The following LRBA variants were observed in gnomAD, a reference collection of about 807,000 sequenced individuals.
LRBA encodes lipopolysaccharide-responsive and beige-like anchor protein.
LRBA carries 176 observed loss-of-function variants against 330.0 expected under a neutral mutation model. That is an observed-to-expected ratio of 0.53 (90% CI 0.47 to 0.60). The LOEUF is 0.60. LRBA is among the 20% of genes least tolerant of loss of function. The pLI is 0.00. For missense variants in LRBA, 3,259 were observed against 3,444.8 expected (o/e 0.95, Z 1.35); for synonymous variants, 1,230 against 1,193.0 (o/e 1.03, Z -0.64).
chr4:150,472,116 G>A, intron 42 of LRBA, among the ~76,000 whole-genome samples: 1 of 152,124 alleles, frequency 6.6e-6, no homozygotes, highest in South Asian at 2.1e-4. Context: ...AATTGTAATA[G>A]TTATCTTAAA....
intron 17 of LRBA, among the ~76,000 whole-genome samples, chr4:150,887,328 G>GA (rs952076176): frequency 2.1e-4 from 32 of 151,456 alleles, no homozygotes; most frequent in East Asian, 3.9e-4. Flanking sequence ...ACTACAATCT[G>GA]AAAAAAAACA....
chr4:150,646,974 T>G (rs1312571218), intron 37 of LRBA, among the ~76,000 whole-genome samples: 1 of 152,110 alleles, frequency 6.6e-6, no homozygotes, highest in Non-Finnish European at 1.5e-5. Context: ...AGTGTGTATG[T>G]GTTTATATAA....
chr4:150,504,452 G>C (rs1050115207), intron 40 of LRBA, among the ~76,000 whole-genome samples: 1 of 152,286 alleles, frequency 6.6e-6, no homozygotes, highest in Middle Eastern at 3.4e-3. Context: ...CATTCTTAAA[G>C]AAAAGAATTT....
intron 2 of LRBA, among the ~76,000 whole-genome samples, chr4:150,964,759 C>T (rs1738694749): frequency 6.6e-6 from 1 of 152,094 alleles, no homozygotes; most frequent in African/African-American, 2.4e-5. Flanking sequence ...ACCTTCCCTC[C>T]ACTATTGTCC....
chr4:150,294,650 T>C (rs1728729972), intron 53 of LRBA, among the ~76,000 whole-genome samples: 1 of 152,144 alleles, frequency 6.6e-6, no homozygotes, highest in East Asian at 1.9e-4. Flanking sequence ...ATTAGTATCA[T>C]ATAAGTAGTA....
Position 150,436,869 on chromosome 4 carries a change from C to G in LRBA, c.6781-5G>C. 6.2e-7 allele frequency: 1 copy of G among 1,612,846 alleles called. No individual in the cohort carries two copies. Among genetic ancestry groups the G allele is most frequent in the East Asian group, 2.2e-5 (1 of 44,810 alleles). ...TGGGTTCAGAGCTCCTATTGGCTGC[C>G]AATAGGGAGGGAAAAAACAAAGAAT... On this transcript the variant is annotated splice_region_variant and splice_polypyrimidine_tract_variant and intron_variant, in intron 44 of 56. Transcript: ENST00000651943.
At chr4:150,540,376 G>A (rs909466178) in intron 40 of LRBA, among the ~76,000 whole-genome samples, 1 of 152,126 alleles carries the variant, frequency 6.6e-6, no homozygotes, top group African/African-American at 2.4e-5. Flanking sequence ...TGTATTTTTA[G>A]CAGAGACGGG....
chr4:150,369,029 T>A (rs1025511172), intron 47 of LRBA, among the ~76,000 whole-genome samples: 4 of 152,008 alleles, frequency 2.6e-5, no homozygotes, highest in African/African-American at 9.7e-5. Flanking sequence ...TCTTTCTTTT[T>A]TAAAAATAAA....
intron 23 of LRBA, 112 bp downstream of exon 23, chr4:150,851,773 G>T: frequency 9.1e-7 from 1 of 1,104,814 alleles, no homozygotes; most frequent in Non-Finnish European, 1.2e-6. Flanking sequence ...CATTTATTTA[G>T]TTGTGAATAG....
chr4:150,837,396 G>A (rs1434397491), intron 28 of LRBA, among the ~76,000 whole-genome samples: 2 of 152,150 alleles, frequency 1.3e-5, no homozygotes, highest in Non-Finnish European at 2.9e-5. Context: ...ACGGTGGGGT[G>A]TGAAAGTCTC....
intron 47 of LRBA, among the ~76,000 whole-genome samples, chr4:150,391,972 TAAAAAAAAAAAAA>T (rs150931536): frequency 2.8e-5 from 3 of 107,468 alleles, no homozygotes; most frequent in Admixed American, 1.1e-4. Flanking sequence ...TGTTACTCTT[TAAAAAAAAAAAAA>T]AAAAAAAAAA....
chr4:150,456,141 C>T (rs1754034622), intron 44 of LRBA, among the ~76,000 whole-genome samples: 1 of 152,088 alleles, frequency 6.6e-6, no homozygotes, highest in Non-Finnish European at 1.5e-5. Flanking sequence ...CTTGGGAGTG[C>T]AGATACCTCT....
At chr4:150,525,827 A>G (rs1048588563) in intron 40 of LRBA, among the ~76,000 whole-genome samples, 1 of 152,190 alleles carries the variant, frequency 6.6e-6, no homozygotes, top group African/African-American at 2.4e-5. Flanking sequence ...GAAAGCCGTT[A>G]CAGACATACA....
At chr4:150,878,794 C>G (rs558547367) in intron 17 of LRBA, among the ~76,000 whole-genome samples, 5 of 150,656 alleles carry the variant, frequency 3.3e-5, no homozygotes, top group African/African-American at 1.2e-4. Flanking sequence ...AAACCCTGAA[C>G]AGACCAGGAT....
intron 17 of LRBA, among the ~76,000 whole-genome samples, chr4:150,884,078 C>T (rs1430433581): frequency 6.6e-6 from 1 of 152,162 alleles, no homozygotes; most frequent in Non-Finnish European, 1.5e-5. Context: ...GTCATTACCA[C>T]CCCAGTTTAG....
At position 150,780,369 on chromosome 4, in the gene LRBA, T is replaced by C. The variant is rs375711115; in HGVS notation, c.5580+17712A>G. Among the ~76,000 whole-genome samples the C allele has an allele frequency of 7.2e-5, 11 of 152,206 alleles. No individual in the cohort carries two copies. The South Asian group carries it at 2.3e-3, about 32-fold the overall frequency. Reference sequence around the variant, plus strand: ...CAGAATTTAAATTTTCCAAACCTCATAATACATCTACCTATAAAGCTTTGG... The same window carrying C: ...CAGAATTTAAATTTTCCAAACCTCACAATACATCTACCTATAAAGCTTTGG... On this transcript the variant is annotated intron_variant, in intron 34 of 56. Coordinates refer to ENST00000651943, the MANE Select transcript of LRBA (RefSeq NM_001364905.1).
intron 48 of LRBA, among the ~76,000 whole-genome samples, chr4:150,341,766 T>A (rs558496090): frequency 1.3e-3 from 197 of 151,372 alleles, no homozygotes; most frequent in African/African-American, 3.5e-3. Context: ...GTGTATTTTT[T>A]AAAAAAATAT....
At chr4:150,835,316 A>C (rs1327774492) in intron 28 of LRBA, among the ~76,000 whole-genome samples, 1 of 152,156 alleles carries the variant, frequency 6.6e-6, no homozygotes, top group Non-Finnish European at 1.5e-5. Flanking sequence ...ATGAACTTTA[A>C]AGTAGTTTTA....
At chr4:150,882,888 C>G (rs7434377) in intron 17 of LRBA, among the ~76,000 whole-genome samples, 1 of 152,122 alleles carries the variant, frequency 6.6e-6, no homozygotes, top group East Asian at 1.9e-4. Context: ...AATATCAGAG[C>G]TAATGTTTAA....
Sources: allele counts gnomAD v4.1 joint callset (sites outside exome capture counted in the v4.1 genomes callset), GRCh38; gene constraint gnomAD v4.1.1; transcripts MANE v1.5; gene names NCBI Gene and HGNC (gene_info 2026-07-23, HGNC 2026-07-21).